The following SERF2 variants were observed in gnomAD, a reference collection of about 807,000 sequenced individuals.
SERF2 encodes gastric cancer-related protein VRG107.
SERF2 carries 4 observed loss-of-function variants against 10.7 expected under a neutral mutation model. The ratio of observed to expected loss-of-function variants is 0.37; its 90% CI spans 0.18 to 0.86. The LOEUF (loss-of-function observed/expected upper bound fraction) is 0.86. Among genes scored for constraint, SERF2 ranks in the 40% least tolerant of loss-of-function variants. The pLI, the probability that SERF2 is intolerant of heterozygous loss-of-function variation, is 0.43. For missense variants in SERF2, 47 were observed against 79.1 expected (o/e 0.59, Z 1.54); for synonymous variants, 26 against 26.0 (o/e 1.00, Z 0.01).
At position 43,793,947 on chromosome 15, in the gene SERF2, T is replaced by A. The variant is rs766549249; in HGVS notation, c.*174T>A. ...CTTCCTTCCCCTCAGGTAGCCTCTCTCCCCCTGGGCCACTCCCGGGGGTGA... is the reference window on the plus strand; with the variant it reads ...CTTCCTTCCCCTCAGGTAGCCTCTCACCCCCTGGGCCACTCCCGGGGGTGA... On this transcript the variant is annotated 3_prime_UTR_variant, in exon 3 of 3. Coordinates refer to ENST00000249786, the MANE Select transcript of SERF2 (RefSeq NM_001018108.4). 1.3e-6 allele frequency: 2 copies of A among 1,551,260 alleles called. No individual in the cohort carries two copies. The highest frequency in any genetic ancestry group is 2.4e-5 in the South Asian group (2 of 85,046).
Position 43,792,991 on chromosome 15 carries a change from G to A in SERF2, c.24G>A (p.Glu8=). The A allele has an allele frequency of 1.2e-6, 2 of 1,610,348 alleles. No individual in the cohort carries two copies. Among genetic ancestry groups the A allele is most frequent in the Admixed American group, 1.7e-5 (1 of 59,728 alleles). Reference sequence around the variant, plus strand: ...TTTCCTTAGGCGGTAACCAGCGTGAGCTCGCCCGCCAGAAGAATATGAAAA... The same window carrying A: ...TTTCCTTAGGCGGTAACCAGCGTGAACTCGCCCGCCAGAAGAATATGAAAA... The part of the protein sequence containing the change: MTRGNQR[E]LARQKNMKKQ... The change falls in exon 2 of 3, where the codon GAG becomes GAA. Residue 8 remains glutamate (E), a synonymous_variant. Transcript: ENST00000249786.
intron 1 of SERF2, among the ~76,000 whole-genome samples, chr15:43,783,929 T>C (rs1279470387): frequency 1.1e-5 from 1 of 87,548 alleles, no homozygotes; most frequent in Non-Finnish European, 2.1e-5. Flanking sequence ...GCCCAGCTAT[T>C]TTTTTTTTTT....
chr15:43,792,414 TTTC>T (rs774476077), intron 1 of SERF2, 31 bp downstream of exon 1: 1 of 1,613,842 alleles, frequency 6.2e-7, no homozygotes, highest in Admixed American at 1.7e-5. Flanking sequence ...TCCTTGCCCT[TTTC>T]TTTCCGTTCA....
In SERF2 at chr15:43,795,802, TC is replaced by T. The variant is rs1567170920; in HGVS notation, c.*2034del. On this transcript the variant is annotated 3_prime_UTR_variant, in exon 3 of 3. Coordinates refer to ENST00000249786, the MANE Select transcript of SERF2 (RefSeq NM_001018108.4). ...TGTGAGGGTGTTAATCTAGGAAACT[TC>T]CCCCGTGAAAAGATTGGTCTAGTAT... The T allele has an allele frequency of 6.5e-7, 1 of 1,537,038 alleles. No homozygotes were observed. The highest frequency in any genetic ancestry group is 1.4e-5 in the African/African-American group (1 of 72,986).
At position 43,794,409 on chromosome 15, in the gene SERF2, T is replaced by C. The variant is rs1314394740; in HGVS notation, c.*636T>C. On this transcript the variant is annotated 3_prime_UTR_variant, in exon 3 of 3. Transcript: ENST00000249786. ...TGCTTGAAAGTTGGCCAAAAAATCC[T>C]GCTGCTCACCGACTTCCCGTGGTCA... 1 of 163,778 alleles carries C rather than the reference T, an allele frequency of 6.1e-6. No homozygotes were observed. Among genetic ancestry groups the C allele is most frequent in the Non-Finnish European group, 1.3e-5 (1 of 75,000 alleles). 10.1% of individuals were successfully genotyped at this position (163,778 alleles called of 1,614,324 possible). A position where few individuals can be genotyped will look rare whatever the true frequency, so the allele number is the denominator to read the frequency against.
At chr15:43,785,704 C>CTTTT (rs71415810) in intron 2 of SERF2, among the ~76,000 whole-genome samples, 13 of 122,672 alleles carry the variant, frequency 1.1e-4, no homozygotes, top group Admixed American at 1.7e-4. Flanking sequence ...TTTTCTTTTT[C>CTTTT]TTTTTTTTTT....
At chr15:43,782,840 T>C (rs746049404) in intron 1 of SERF2, among the ~76,000 whole-genome samples, 4 of 151,978 alleles carry the variant, frequency 2.6e-5, no homozygotes, top group Admixed American at 6.6e-5. Flanking sequence ...TTTATTCTCA[T>C]AACTTTTTTT....
chr15:43,788,394 G>A (rs1451496804), upstream of SERF2, among the ~76,000 whole-genome samples: 1 of 152,216 alleles, frequency 6.6e-6, no homozygotes, highest in Admixed American at 6.5e-5. Flanking sequence ...CCAAAGTGCT[G>A]GGATTACAGG....
chr15:43,784,696 T>TC (rs2086991250), intron 1 of SERF2, among the ~76,000 whole-genome samples: 3 of 152,006 alleles, frequency 2.0e-5, no homozygotes, highest in African/African-American at 7.3e-5. Flanking sequence ...GACCTCGTGA[T>TC]CCGCCTGCCT....
chr15:43,781,505 T>C lies in SERF2; in HGVS notation c.-526-3905T>C, dbSNP rs576577474. ...AGGCAGAGGTTTCAGTGAGCTGAGA[T>C]AGAGCAAGGTCTGTCTCAAAAACAA... On this transcript the variant is annotated intron_variant, in intron 1 of 4. Transcript: ENST00000381359. Among the ~76,000 whole-genome samples, 8 of 151,596 alleles carry C rather than the reference T, an allele frequency of 5.3e-5. No homozygotes were observed. In the South Asian group the frequency reaches 1.5e-3, roughly 28 times the overall value.
In SERF2 at chr15:43,794,816, G is replaced by A. The variant is rs971500728; in HGVS notation, c.*1043G>A. 5 of 577,656 alleles carry A rather than the reference G, an allele frequency of 8.7e-6. No individual in the cohort carries two copies. The highest frequency in any genetic ancestry group is 1.9e-5 in the African/African-American group (1 of 53,802). The allele number at this position is 577,656 out of a possible 1,614,324, so 35.8% of individuals were successfully genotyped here. On this transcript the variant is annotated 3_prime_UTR_variant, in exon 3 of 3. Transcript: ENST00000249786. ...GCAGATGTAACAGTAGCTCCAGTGA[G>A]TCAGACACTCTGCCCAGCACATTAG...
At chr15:43,792,166 C>T (rs559518050), upstream of SERF2, 33 of 603,588 alleles carry the variant, frequency 5.5e-5, no homozygotes, top group Non-Finnish European at 8.7e-5. Flanking sequence ...CTGAGCGCTC[C>T]GCCTGCGACC....
chr15:43,786,153 C>G (rs887549943), intron 2 of SERF2, among the ~76,000 whole-genome samples: 2 of 151,842 alleles, frequency 1.3e-5, no homozygotes, highest in African/African-American at 4.8e-5. Flanking sequence ...CAGCGGCTCA[C>G]GCCTGTAATC....
chr15:43,779,513 G>A (rs1410166467), intron 1 of SERF2, among the ~76,000 whole-genome samples: 3 of 152,110 alleles, frequency 2.0e-5, no homozygotes, highest in African/African-American at 7.2e-5. Flanking sequence ...TTATTTTTGA[G>A]GCAGGTGTCC....
chr15:43,788,694 A>T (rs553468854), upstream of SERF2, among the ~76,000 whole-genome samples: 1 of 152,288 alleles, frequency 6.6e-6, no homozygotes, highest in Admixed American at 6.5e-5. Flanking sequence ...CAAAGCTTAC[A>T]CTATGCTAAT....
At chr15:43,781,553 C>T (rs115137544) in intron 1 of SERF2, among the ~76,000 whole-genome samples, 2,655 of 149,360 alleles carry the variant, frequency 0.018, 86 homozygotes, top group African/African-American at 0.062. Context: ...AACAAACAAA[C>T]AACAAAAGAA....
chr15:43,792,208 G>T (rs754483368), upstream of SERF2: 3 of 660,698 alleles, frequency 4.5e-6, no homozygotes, highest in Admixed American at 2.3e-5. Flanking sequence ...GCTCAAGCAC[G>T]ACCCGTGGAT....
upstream of SERF2, among the ~76,000 whole-genome samples, chr15:43,790,958 C>T (rs1252763778): frequency 5.5e-5 from 8 of 144,412 alleles, no homozygotes; most frequent in Non-Finnish European, 6.0e-5. Flanking sequence ...TTAGTAGAGA[C>T]GGGGTTTTAC....
chr15:43,782,086 A>G (rs8034451), intron 1 of SERF2, among the ~76,000 whole-genome samples: 90,480 of 151,134 alleles, frequency 0.6, 30,006 homozygotes, highest in Non-Finnish European at 0.73. Flanking sequence ...ATGGGGTTTC[A>G]CCATGTTGTC....
Sources: gnomAD v4.1 joint callset for allele counts (sites outside exome capture counted in the v4.1 genomes callset) on GRCh38, gnomAD v4.1.1 for gene constraint, MANE v1.5 for transcripts, NCBI Gene and HGNC (gene_info 2026-07-23, HGNC 2026-07-21) for gene names.